The following CLEC4F variants were observed in gnomAD, a reference collection of about 807,000 sequenced individuals.
The protein encoded by CLEC4F is C-type lectin domain family 4 member F.
Under a neutral mutation model 53.4 loss-of-function variants are expected in CLEC4F, and 45 were observed. The ratio of observed to expected loss-of-function variants is 0.84; its 90% CI spans 0.66 to 1.08. The LOEUF (loss-of-function observed/expected upper bound fraction) is 1.08. Ranked by LOEUF, CLEC4F falls within the 50% of genes least tolerant of loss-of-function variation. The pLI is 0.00. For missense variants in CLEC4F, 753 were observed against 698.2 expected (o/e 1.08, Z -0.88); for synonymous variants, 245 against 257.5 (o/e 0.95, Z 0.46).
chr2:70,821,462 G>T (rs1156253131), upstream of CLEC4F, among the ~76,000 whole-genome samples: 2 of 148,108 alleles, frequency 1.4e-5, no homozygotes, highest in South Asian at 4.5e-4. Flanking sequence ...ATGGCCTGGG[G>T]TCTGGGCTAT....
At chr2:70,813,593 CTTTCTCTTTCTT>C (rs1553394919) in intron 4 of CLEC4F, among the ~76,000 whole-genome samples, 12 of 114,740 alleles carry the variant, frequency 1.0e-4, no homozygotes, top group East Asian at 5.0e-4. Flanking sequence ...CTCTCTCTTT[CTTTCTCTTTCTT>C]TCTTTCTTTC....
chr2:70,817,067 T>C lies in CLEC4F; in HGVS notation c.314A>G (p.Gln105Arg). The C allele has an allele frequency of 6.2e-7, 1 of 1,613,396 alleles. No homozygotes were observed. Among genetic ancestry groups the C allele is most frequent in the Non-Finnish European group, 8.5e-7 (1 of 1,180,010 alleles). The change falls in exon 4 of 7, where the codon CAG (glutamine) becomes CGG (arginine). Residue 105 changes from glutamine (Q) to arginine (R), a missense_variant. Coordinates refer to ENST00000272367, the MANE Select transcript of CLEC4F (RefSeq NM_173535.3). ...GREAEMRELI[Q>R]TFKGHMENSS... ...ATTCTCCATGTGGCCTTTAAATGTC[T>C]GGATAAGCTCTCGCATTTCTGCCTC... is the stretch of plus-strand genomic sequence containing the variant.
chr2:70,808,937 C>T lies in CLEC4F; in HGVS notation c.*334G>A, dbSNP rs1308358379. 15 of 801,824 alleles carry T rather than the reference C, an allele frequency of 1.9e-5. 1 individual carries two copies. Among genetic ancestry groups the T allele is most frequent in the Non-Finnish European group, 2.8e-5 (14 of 499,978 alleles). 49.7% of individuals were successfully genotyped at this position (801,824 alleles called of 1,614,324 possible). A position where few individuals can be genotyped will look rare whatever the true frequency, so the allele number is the denominator to read the frequency against. ...TCAGCTCTGGCCTGCCCTCAGGCCACACCCTGGCCCATGGGCTTCTTGCAC... is the reference window on the plus strand; with the variant it reads ...TCAGCTCTGGCCTGCCCTCAGGCCATACCCTGGCCCATGGGCTTCTTGCAC... On this transcript the variant is annotated 3_prime_UTR_variant, in exon 7 of 7. Transcript: ENST00000272367.
intron 3 of CLEC4F, among the ~76,000 whole-genome samples, chr2:70,818,813 A>G (rs1307477727): frequency 6.6e-6 from 1 of 151,618 alleles, no homozygotes; most frequent in Non-Finnish European, 1.5e-5. Flanking sequence ...ATACGAGATC[A>G]TGAGAATAAT....
chr2:70,814,280 C>T (rs1395333115), intron 4 of CLEC4F, among the ~76,000 whole-genome samples: 2 of 152,088 alleles, frequency 1.3e-5, no homozygotes, highest in Non-Finnish European at 2.9e-5. Context: ...TCCAGATTTG[C>T]ACTGGAAAAA....
chr2:70,817,006 C>T lies in CLEC4F; in HGVS notation c.375G>A (p.Lys125=). 1 of 1,614,192 alleles carries T rather than the reference C, an allele frequency of 6.2e-7. No individual in the cohort carries two copies. The highest frequency in any genetic ancestry group is 1.1e-5 in the South Asian group (1 of 91,086). Residue 125 remains lysine (K), a synonymous_variant, in exon 4 of 7, where the codon AAG becomes AAA. Transcript: ENST00000272367. The part of the protein sequence containing the change: ...SAWVVEIQML[K]CRVDNVNSQL... ...GCGAATTGACATTGTCCACTCTGCA[C>T]TTCAACATCTGGATTTCTACTACCC... is the stretch of plus-strand genomic sequence containing the variant.
rs189503130 is a variant in CLEC4F at position 70,820,435 on chromosome 2, G to A, written c.61+28C>T. ...GACAGGCAGGCTACTCCCTCACTGGGCAAGAGCTGGGGCCCCAGTTTTCTC... is the reference window on the plus strand; with the variant it reads ...GACAGGCAGGCTACTCCCTCACTGGACAAGAGCTGGGGCCCCAGTTTTCTC... On this transcript the variant is annotated intron_variant, in intron 1 of 6. Coordinates refer to ENST00000272367, the MANE Select transcript of CLEC4F (RefSeq NM_173535.3). 1.7e-4 allele frequency: 262 copies of A among 1,562,060 alleles called. No individual in the cohort carries two copies. In the African/African-American group the frequency reaches 3.1e-3, roughly 19 times the overall value.
chr2:70,810,744 A>G, intron 5 of CLEC4F: 1 of 454,532 alleles, frequency 2.2e-6, no homozygotes, highest in Non-Finnish European at 4.3e-6. Flanking sequence ...TGATATATAC[A>G]GTACGTAATT....
At chr2:70,814,000 T>G (rs116148262) in intron 4 of CLEC4F, among the ~76,000 whole-genome samples, 2,295 of 152,234 alleles carry the variant, frequency 0.015, 56 homozygotes, top group African/African-American at 0.052. Flanking sequence ...CTTAAGGGAC[T>G]GAGGAAGAGT....
At chr2:70,812,732 G>C in intron 4 of CLEC4F, 134 bp from the exon 5 acceptor site, 2 of 888,022 alleles carry the variant, frequency 2.3e-6, no homozygotes, top group South Asian at 1.7e-5. Context: ...CAGTGCTCCA[G>C]GAGAAAGGCC....
Position 70,819,898 on chromosome 2 carries a change from G to C in CLEC4F, c.62-7C>G, listed in dbSNP as rs1677143075. The C allele has an allele frequency of 6.4e-7, 1 of 1,563,874 alleles. No individual in the cohort carries two copies. The highest frequency in any genetic ancestry group is 8.7e-7 in the Non-Finnish European group (1 of 1,154,910). On this transcript the variant is annotated splice_region_variant and splice_polypyrimidine_tract_variant and intron_variant, in intron 1 of 6. Coordinates refer to ENST00000272367, the MANE Select transcript of CLEC4F (RefSeq NM_173535.3). ...ATTGCCACAGAGTCCACCTCTGCAG[G>C]GGAGAAGGCAGTGTCCAAGGTGAGA...
At chr2:70,821,352 G>T (rs1470247097), upstream of CLEC4F, among the ~76,000 whole-genome samples, 5 of 152,086 alleles carry the variant, frequency 3.3e-5, no homozygotes, top group African/African-American at 1.2e-4. Context: ...CAGGCTGGAG[G>T]CTGGTCCCAG....
chr2:70,820,138 G>A (rs184771253), intron 1 of CLEC4F, among the ~76,000 whole-genome samples: 48 of 152,316 alleles, frequency 3.2e-4, no homozygotes, highest in Admixed American at 1.0e-3. Flanking sequence ...CGAGACCACC[G>A]ATCTCCAAAT....
intron 1 of CLEC4F, 86 bp downstream of exon 1, chr2:70,820,377 A>T: frequency 2.5e-6 from 3 of 1,220,786 alleles, no homozygotes; most frequent in South Asian, 1.4e-5. Flanking sequence ...GCAATAAGAC[A>T]GCAATAAGCT....
intron 5 of CLEC4F, chr2:70,811,474 T>C (rs1485072876): frequency 1.8e-5 from 10 of 541,558 alleles, no homozygotes; most frequent in Middle Eastern, 3.1e-4. Context: ...GCCATGACCA[T>C]AGTGCCAGCA....
intron 6 of CLEC4F, 99 bp downstream of exon 6, chr2:70,809,640 A>G: frequency 1.0e-6 from 1 of 960,454 alleles, no homozygotes; most frequent in Non-Finnish European, 1.7e-6. Flanking sequence ...ACACACATAT[A>G]CACACAACAC....
chr2:70,825,184 G>T (rs148460632), upstream of CLEC4F, among the ~76,000 whole-genome samples: 4 of 152,220 alleles, frequency 2.6e-5, no homozygotes, highest in African/African-American at 9.6e-5. Context: ...CCATTTAAGG[G>T]ACAATCTACA....
chr2:70,818,659 C>T (rs557882476), intron 3 of CLEC4F, among the ~76,000 whole-genome samples: 10 of 151,830 alleles, frequency 6.6e-5, no homozygotes, highest in Middle Eastern at 6.8e-3. Flanking sequence ...TGCAGTGAGC[C>T]GAGATCACGC....
chr2:70,811,641 G>A (rs1033533068), intron 5 of CLEC4F, among the ~76,000 whole-genome samples: 1 of 152,234 alleles, frequency 6.6e-6, no homozygotes, highest in Non-Finnish European at 1.5e-5. Context: ...ATCCTGGCAA[G>A]TTCTGATAAG....
Sources: gnomAD v4.1 joint callset for allele counts (sites outside exome capture counted in the v4.1 genomes callset) on GRCh38, gnomAD v4.1.1 for gene constraint, MANE v1.5 for transcripts, NCBI Gene and HGNC (gene_info 2026-07-23, HGNC 2026-07-21) for gene names.